Variants in FAM227B observed in about 807,000 individuals in gnomAD.
The protein encoded by FAM227B is protein FAM227B.
FAM227B carries 88 observed loss-of-function variants against 73.8 expected under a neutral mutation model. The observed-to-expected ratio is 1.19, with a 90% CI of 1.00 to 1.42. FAM227B has a LOEUF of 1.42. Among genes scored for constraint, FAM227B ranks in the 40% most tolerant of loss-of-function variants. The pLI is 0.00. For missense variants in FAM227B, 632 were observed against 590.9 expected (o/e 1.07, Z -0.72); for synonymous variants, 210 against 190.5 (o/e 1.10, Z -0.84).
intron 13 of FAM227B, among the ~76,000 whole-genome samples, chr15:49,340,755 C>T (rs2040599615): frequency 6.6e-6 from 1 of 152,102 alleles, no homozygotes; most frequent in African/African-American, 2.4e-5. Context: ...TGTGCAGAAG[C>T]TCTTTAGTTT....
intron 13 of FAM227B, among the ~76,000 whole-genome samples, chr15:49,339,416 G>A (rs963361301): frequency 5.3e-5 from 8 of 151,982 alleles, no homozygotes; most frequent in Admixed American, 3.9e-4. Flanking sequence ...CTGTAGGTCC[G>A]CCCCAGACCC....
intron 9 of FAM227B, among the ~76,000 whole-genome samples, chr15:49,566,778 C>T (rs2074694782): frequency 6.6e-6 from 1 of 152,150 alleles, no homozygotes; most frequent in Admixed American, 6.5e-5. Flanking sequence ...TACATCTTGT[C>T]TGTTCTCAAA....
intron 9 of FAM227B, among the ~76,000 whole-genome samples, chr15:49,544,648 T>C (rs925876478): frequency 2.6e-5 from 4 of 152,214 alleles, no homozygotes; most frequent in Non-Finnish European, 5.9e-5. Flanking sequence ...GTATTTGTCA[T>C]AGATGGCTTT....
At chr15:49,501,334 G>A (rs2058115276) in intron 11 of FAM227B, among the ~76,000 whole-genome samples, 1 of 152,218 alleles carries the variant, frequency 6.6e-6, no homozygotes, top group African/African-American at 2.4e-5. Context: ...CCAGGCTGAT[G>A]AGGTCTCAGA....
chr15:49,484,593 A>G, intron 11 of FAM227B: 1 of 577,340 alleles, frequency 1.7e-6, no homozygotes, highest in East Asian at 3.3e-5. Context: ...CTTTCCTTTT[A>G]TTTTTTAGTA....
intron 11 of FAM227B, among the ~76,000 whole-genome samples, chr15:49,409,714 G>A (rs183983955): frequency 9.2e-5 from 14 of 152,110 alleles, no homozygotes; most frequent in African/African-American, 3.4e-4. Context: ...GAGAACTGAA[G>A]TCACCTCAAA....
chr15:49,568,970 T>C (rs1192855929), intron 8 of FAM227B, among the ~76,000 whole-genome samples: 1 of 151,970 alleles, frequency 6.6e-6, no homozygotes, highest in African/African-American at 2.4e-5. Context: ...TATTCTTCTT[T>C]AAATGTTGGT....
intron 3 of FAM227B, among the ~76,000 whole-genome samples, chr15:49,603,208 C>T (rs544587472): frequency 6.6e-6 from 1 of 152,250 alleles, no homozygotes; most frequent in Non-Finnish European, 1.5e-5. Context: ...ATAGGGATTG[C>T]ATTACATCTG....
intron 9 of FAM227B, among the ~76,000 whole-genome samples, chr15:49,558,619 C>T (rs1410508497): frequency 1.3e-5 from 2 of 152,096 alleles, no homozygotes; most frequent in Non-Finnish European, 2.9e-5. Context: ...CCCTGGTTTC[C>T]ACCATCTAAG....
At chr15:49,329,353 T>C (rs2038151644) in intron 15 of FAM227B, 1 of 985,228 alleles carries the variant, frequency 1.0e-6, no homozygotes, top group Non-Finnish European at 1.2e-6. Context: ...GACCAAAAAG[T>C]ATTTTGCTGA....
At chr15:49,418,595 G>A (rs953171235) in intron 11 of FAM227B, among the ~76,000 whole-genome samples, 2 of 152,120 alleles carry the variant, frequency 1.3e-5, no homozygotes, top group Non-Finnish European at 2.9e-5. Flanking sequence ...GCTAAGTAGT[G>A]AGAACAAATG....
intron 13 of FAM227B, among the ~76,000 whole-genome samples, chr15:49,339,999 A>G (rs968892779): frequency 6.6e-6 from 1 of 152,174 alleles, no homozygotes; most frequent in African/African-American, 2.4e-5. Flanking sequence ...GGTTGAGCTC[A>G]GACTGCTGTG....
intron 11 of FAM227B, among the ~76,000 whole-genome samples, chr15:49,447,307 T>C (rs866207606): frequency 4.0e-5 from 6 of 151,726 alleles, no homozygotes; most frequent in African/African-American, 1.4e-4. Flanking sequence ...CAAAATACTC[T>C]CTTATCACTT....
At chr15:49,368,190 C>A (rs568826070) in intron 12 of FAM227B, among the ~76,000 whole-genome samples, 27 of 151,636 alleles carry the variant, frequency 1.8e-4, no homozygotes, top group South Asian at 1.7e-3. Context: ...AAAAAAAAAA[C>A]CTGTTGACCA....
At chr15:49,550,053 C>T (rs1325323446) in intron 9 of FAM227B, among the ~76,000 whole-genome samples, 1 of 133,556 alleles carries the variant, frequency 7.5e-6, no homozygotes, top group Admixed American at 7.3e-5. Context: ...GCTGGCCGGG[C>T]TGGGGGCTGA....
intron 11 of FAM227B, among the ~76,000 whole-genome samples, chr15:49,396,656 G>T (rs565030203): frequency 1.3e-5 from 2 of 151,780 alleles, no homozygotes; most frequent in East Asian, 1.9e-4. Flanking sequence ...ATCTGAGAAC[G>T]GGCAGACTGC....
chr15:49,514,198 T>G (rs745670003), intron 10 of FAM227B, among the ~76,000 whole-genome samples: 11 of 152,206 alleles, frequency 7.2e-5, no homozygotes, highest in Non-Finnish European at 1.0e-4. Flanking sequence ...AGTATGGCCA[T>G]TTTCACGATA....
intron 11 of FAM227B, among the ~76,000 whole-genome samples, chr15:49,412,180 A>ATATAATATAAT (rs2048912646): frequency 6.6e-6 from 1 of 152,158 alleles, no homozygotes; most frequent in Admixed American, 6.5e-5. Context: ...TGTGTAGCCA[A>ATATAATATAAT]AAAATTATAT....
chr15:49,437,401 C>G (rs565711340), intron 11 of FAM227B, among the ~76,000 whole-genome samples: 1 of 151,580 alleles, frequency 6.6e-6, no homozygotes, highest in African/African-American at 2.4e-5. Context: ...TTGTCCATGT[C>G]CTTAGTTTAT....
Sources: gnomAD v4.1 joint callset for allele counts (sites outside exome capture counted in the v4.1 genomes callset) on GRCh38, gnomAD v4.1.1 for gene constraint, MANE v1.5 for transcripts, NCBI Gene and HGNC (gene_info 2026-07-23, HGNC 2026-07-21) for gene names.